The following SPATA6L variants were observed in gnomAD, a reference collection of about 807,000 sequenced individuals.
SPATA6L encodes spermatogenesis associated 6-like protein.
SPATA6L carries 68 observed loss-of-function variants against 49.2 expected under a neutral mutation model. The ratio of observed to expected loss-of-function variants is 1.38; its 90% CI spans 1.14 to 1.69. SPATA6L has a LOEUF of 1.69. Among genes scored for constraint, SPATA6L ranks in the 40% most tolerant of loss-of-function variants. The pLI is 0.00. For synonymous variants in SPATA6L, 198 were observed against 165.7 expected (o/e 1.19, Z -1.50); for missense variants, 668 against 464.3 (o/e 1.44, Z -4.03).
At chr9:4,631,038 G>A (rs1275287864) in intron 4 of SPATA6L, among the ~76,000 whole-genome samples, 20 of 152,206 alleles carry the variant, frequency 1.3e-4, no homozygotes, top group Admixed American at 1.3e-3. Flanking sequence ...CAGAGTGAAG[G>A]AAGGAAGTCC....
chr9:4,650,152 C>A (rs12554966), intron 3 of SPATA6L, among the ~76,000 whole-genome samples: 1 of 152,212 alleles, frequency 6.6e-6, no homozygotes, highest in Admixed American at 6.5e-5. Context: ...CTTACTCACT[C>A]TTTGCCTAAT....
rs1399276645 is a variant in SPATA6L at position 4,605,402 on chromosome 9, T to C, written c.1034A>G (p.His345Arg). Reference protein sequence around the residue: ...PGSQSTWKNIHERVCSLLTSH... With the variant: ...PGSQSTWKNIRERVCSLLTSH... ...TGTCAGAAGACTGCATACCCTCTCA[T>C]GGATATTCTTCCATGTGGACTGAGA... The change falls in exon 10 of 12, where the codon CAT becomes CGT. Residue 345 changes from histidine (H) to arginine (R), a missense_variant. Physicochemically the swap from His to Arg is conservative, Grantham distance 29 (BLOSUM62 0). Coordinates refer to ENST00000682582, the MANE Select transcript of SPATA6L (RefSeq NM_001353486.2). 1.2e-6 allele frequency: 2 copies of C among 1,614,180 alleles called. No individual in the cohort carries two copies. The highest frequency in any genetic ancestry group is 1.7e-6 in the Non-Finnish European group (2 of 1,180,000).
Position 4,604,239 on chromosome 9 carries a change from T to G in SPATA6L, c.1120A>C (p.Ile374Leu), listed in dbSNP as rs773024116. Residue 374 changes from isoleucine to leucine, a missense_variant, in exon 11 of 12, where the codon ATT becomes CTT. Coordinates refer to ENST00000682582, the MANE Select transcript of SPATA6L (RefSeq NM_001353486.2). ...TTCAGAGGGTAGCTTGGTCTTTCAA[T>G]GATATAATTTACTTCAGAGGTAGAA... ...EDSTSEVNYI[I>L]ERPSYPLKKY... 18 of 1,611,682 alleles carry G rather than the reference T, an allele frequency of 1.1e-5. No individual in the cohort carries two copies. Among genetic ancestry groups the G allele is most frequent in the Non-Finnish European group, 1.5e-5 (18 of 1,178,266 alleles).
rs561630799 is a variant in SPATA6L at position 4,636,808 on chromosome 9, T to C, written c.227-1409A>G. The stretch of plus-strand genomic sequence containing the variant: ...AAAAGAAATTATTCTATATTTTTCA[T>C]CATAAATAGCATTTCTTCCCACTCG... On this transcript the variant is annotated intron_variant, in intron 3 of 11. Transcript: ENST00000682582. 2.6e-5 allele frequency among the ~76,000 whole-genome samples: 4 copies of C among 152,332 alleles called. No homozygotes were observed. The South Asian group carries it at 8.3e-4, about 32-fold the overall frequency.
intron 3 of SPATA6L, 29 bp downstream of exon 3, chr9:4,656,011 GT>G: frequency 1.3e-6 from 2 of 1,582,448 alleles, no homozygotes; most frequent in Non-Finnish European, 8.6e-7. Flanking sequence ...TAGTCTTTTG[GT>G]TTTTTGTTTT....
At chr9:4,629,595 C>T (rs4742027) in intron 4 of SPATA6L, among the ~76,000 whole-genome samples, 14,312 of 151,694 alleles carry the variant, frequency 0.094, 1,135 homozygotes, top group African/African-American at 0.2. Flanking sequence ...GAATACAGAG[C>T]CTTCCTCTCT....
rs1280590976 is a variant in SPATA6L, at chr9:4,599,692, G to A, written c.*1119C>T. Among the ~76,000 whole-genome samples, 1 of 152,182 alleles carries A rather than the reference G, an allele frequency of 6.6e-6. No homozygotes were observed. Among genetic ancestry groups the A allele is most frequent in the African/African-American group, 2.4e-5 (1 of 41,438 alleles). On this transcript the variant is annotated 3_prime_UTR_variant, in exon 12 of 12. Coordinates refer to ENST00000682582, the MANE Select transcript of SPATA6L (RefSeq NM_001353486.2). The stretch of plus-strand genomic sequence containing the variant: ...CGCTGTCTCCTCGCCAGTGGAAGGG[G>A]CAAACGAGCTCCCTTGAGCCTATTT...
intron 3 of SPATA6L, among the ~76,000 whole-genome samples, chr9:4,639,254 A>G (rs1255837449): frequency 1.3e-5 from 2 of 152,076 alleles, no homozygotes; most frequent in African/African-American, 4.8e-5. Context: ...AAACACCTAG[A>G]TGCATGATAT....
chr9:4,657,345 G>A (rs1202995905), intron 2 of SPATA6L, among the ~76,000 whole-genome samples: 1 of 152,066 alleles, frequency 6.6e-6, no homozygotes, highest in East Asian at 1.9e-4. Context: ...GTTATGGGTT[G>A]AATTGTGTCC....
At chr9:4,607,115 G>A (rs949580620) in intron 9 of SPATA6L, among the ~76,000 whole-genome samples, 3 of 151,924 alleles carry the variant, frequency 2.0e-5, no homozygotes, top group Non-Finnish European at 4.4e-5. Context: ...AAATAAATGA[G>A]CAAAGCCTCC....
intron 3 of SPATA6L, among the ~76,000 whole-genome samples, chr9:4,647,747 A>C (rs1457184525): frequency 6.6e-6 from 1 of 152,194 alleles, no homozygotes; most frequent in African/African-American, 2.4e-5. Context: ...GATAACTTAA[A>C]TGATATATTA....
intron 3 of SPATA6L, among the ~76,000 whole-genome samples, chr9:4,647,920 T>C (rs1204479373): frequency 2.6e-5 from 4 of 151,790 alleles, no homozygotes; most frequent in African/African-American, 9.7e-5. Context: ...CTGCAACCTC[T>C]ACCTTGCAGG....
chr9:4,605,356 G>A lies in SPATA6L; in HGVS notation c.1080C>T (p.His360=). ...TATAAGAAAGTCTAACCTTGTTTTG[G>A]TGCAGCTGTGCTCTGTGGGATGTCA... ...SLLTSHRAQL[H]QNKEDSTSEV... is the part of the protein sequence containing the mutation. Residue 360 remains histidine, a synonymous_variant, in exon 10 of 12, where the codon CAC becomes CAT. Coordinates refer to ENST00000682582, the MANE Select transcript of SPATA6L (RefSeq NM_001353486.2). The A allele has an allele frequency of 1.2e-6, 2 of 1,613,366 alleles. No individual in the cohort carries two copies. The highest frequency in any genetic ancestry group is 1.7e-6 in the Non-Finnish European group (2 of 1,179,348).
chr9:4,596,730 G>A (rs1410338233), downstream of SPATA6L, among the ~76,000 whole-genome samples: 2 of 152,142 alleles, frequency 1.3e-5, no homozygotes, highest in Non-Finnish European at 2.9e-5. Context: ...GAAATGTTCT[G>A]AGTTCATGTT....
chr9:4,629,307 T>C, intron 4 of SPATA6L, 139 bp from the exon 5 acceptor site: 1 of 574,468 alleles, frequency 1.7e-6, no homozygotes, highest in Non-Finnish European at 3.0e-6. Context: ...AATATATATG[T>C]AATAAGAATA....
intron 3 of SPATA6L, among the ~76,000 whole-genome samples, chr9:4,645,050 CA>C (rs1835051302): frequency 6.6e-6 from 1 of 152,028 alleles, no homozygotes; most frequent in Non-Finnish European, 1.5e-5. Flanking sequence ...TGGCTATGTT[CA>C]AAAAAGACCT....
At chr9:4,621,939 G>A (rs1184437354) in intron 7 of SPATA6L, among the ~76,000 whole-genome samples, 1 of 152,190 alleles carries the variant, frequency 6.6e-6, no homozygotes, top group Non-Finnish European at 1.5e-5. Context: ...AGAACACTTT[G>A]CCTTCATCTA....
chr9:4,622,654 T>A, intron 6 of SPATA6L, 144 bp from the exon 7 acceptor site: 1 of 591,174 alleles, frequency 1.7e-6, no homozygotes, highest in Admixed American at 3.1e-5. Context: ...GAGCACAGTC[T>A]GCAAGTTTGT....
chr9:4,610,674 G>A (rs1826488071), intron 9 of SPATA6L, among the ~76,000 whole-genome samples: 2 of 152,136 alleles, frequency 1.3e-5, no homozygotes, highest in Non-Finnish European at 2.9e-5. Flanking sequence ...TTAAATGTTA[G>A]ACCTAAAACC....
Sources: gnomAD v4.1 joint callset for allele counts (sites outside exome capture counted in the v4.1 genomes callset) on GRCh38, gnomAD v4.1.1 for gene constraint, MANE v1.5 for transcripts, NCBI Gene and HGNC (gene_info 2026-07-23, HGNC 2026-07-21) for gene names.